Variants in FAF1 observed in about 807,000 individuals in gnomAD.
FAF1 encodes the protein Fas associated factor 1.
A neutral mutation model predicts 92.5 loss-of-function variants in FAF1; 25 were observed. The observed-to-expected ratio is 0.27, with a 90% CI of 0.20 to 0.38. The LOEUF is 0.38. Ranked by LOEUF, FAF1 falls within the 10% of genes least tolerant of loss-of-function variation. The probability of loss-of-function intolerance (pLI) is 1.00; values close to 1 mark genes in which losing one functional copy is unlikely to be tolerated. For missense variants in FAF1, 636 were observed against 793.3 expected, an observed-to-expected ratio of 0.80 and a Z score of 2.38; for synonymous variants, 234 against 273.2, an observed-to-expected ratio of 0.86 and a Z score of 1.42.
At chr1:50,694,225 T>C (rs1407442814) in intron 7 of FAF1, among the ~76,000 whole-genome samples, 1 of 152,162 alleles carries the variant, frequency 6.6e-6, no homozygotes, top group Non-Finnish European at 1.5e-5. Flanking sequence ...GCTTTTCTTA[T>C]GATGATAATT....
At chr1:50,620,642 A>T (rs1463182699) in intron 8 of FAF1, among the ~76,000 whole-genome samples, 1 of 152,192 alleles carries the variant, frequency 6.6e-6, no homozygotes, top group African/African-American at 2.4e-5. Flanking sequence ...TTCAACTGCG[A>T]GAGTTCTTGT....
chr1:50,697,357 T>C (rs1293796537), intron 7 of FAF1, among the ~76,000 whole-genome samples: 1 of 152,230 alleles, frequency 6.6e-6, no homozygotes, highest in Non-Finnish European at 1.5e-5. Flanking sequence ...GGCTGTACTA[T>C]AGACATTAAA....
At chr1:50,936,152 G>A (rs1156493816) in intron 1 of FAF1, among the ~76,000 whole-genome samples, 2 of 152,152 alleles carry the variant, frequency 1.3e-5, no homozygotes, top group Admixed American at 6.5e-5. Context: ...CAGTGAGAAC[G>A]TACTATGTGC....
chr1:50,929,689 C>A (rs1306309722), intron 1 of FAF1, among the ~76,000 whole-genome samples: 1 of 152,128 alleles, frequency 6.6e-6, no homozygotes, highest in East Asian at 1.9e-4. Flanking sequence ...CTATCATGTG[C>A]CAGGCATAGT....
chr1:50,568,603 G>A (rs1650278170), intron 12 of FAF1, among the ~76,000 whole-genome samples: 1 of 152,244 alleles, frequency 6.6e-6, no homozygotes, highest in South Asian at 2.1e-4. Flanking sequence ...TTAATTTCCA[G>A]AATAAATCTT....
intron 9 of FAF1, among the ~76,000 whole-genome samples, chr1:50,594,477 T>C (rs1002629599): frequency 7.9e-5 from 12 of 152,144 alleles, no homozygotes; most frequent in Non-Finnish European, 1.6e-4. Context: ...CATGCTCTCT[T>C]TCCCATTTCC....
intron 2 of FAF1, among the ~76,000 whole-genome samples, chr1:50,819,956 C>T (rs1446148452): frequency 6.7e-6 from 1 of 150,190 alleles, no homozygotes; most frequent in Non-Finnish European, 1.5e-5. Context: ...TCATGGAATG[C>T]TAGAAAAATG....
chr1:50,580,220 A>G (rs1356272454), intron 12 of FAF1, among the ~76,000 whole-genome samples: 2 of 151,872 alleles, frequency 1.3e-5, no homozygotes, highest in Non-Finnish European at 2.9e-5. Context: ...GTGAATTTTG[A>G]ATAAATTTTT....
chr1:50,513,121 A>G lies in FAF1; in HGVS notation c.1495-21320T>C, dbSNP rs183145430. Among the ~76,000 whole-genome samples the G allele has an allele frequency of 3.3e-5, 5 of 152,312 alleles. No homozygotes were observed. In the East Asian group the frequency reaches 9.7e-4, roughly 29 times the overall value. On this transcript the variant is annotated intron_variant, in intron 15 of 18. Coordinates refer to ENST00000396153, the MANE Select transcript of FAF1 (RefSeq NM_007051.3). ...GTGGGACTCTGCTCTGAAATGTACT[A>G]AGCGTTTCCAGGCTGGAAGGAAAAA...
rs151099649 is a variant in FAF1 at position 50,656,631 on chromosome 1, C to T, written c.658-1103G>A. Among the ~76,000 whole-genome samples the T allele has an allele frequency of 7.4e-3, 1,122 of 152,224 alleles. 13 individuals carry two copies. The highest frequency in any genetic ancestry group is 0.026 in the African/African-American group (1,070 of 41,540). ...GGCATGGTGGCTCACGCCTGTAATC[C>T]TAGCACTTTGGGAGGCCGAGGTGGG... On this transcript the variant is annotated intron_variant, in intron 7 of 18. Coordinates refer to ENST00000396153, the MANE Select transcript of FAF1 (RefSeq NM_007051.3).
At chr1:50,455,734 A>G (rs948096425) in intron 18 of FAF1, among the ~76,000 whole-genome samples, 11 of 152,220 alleles carry the variant, frequency 7.2e-5, no homozygotes, top group Non-Finnish European at 1.5e-4. Context: ...ACAAGTGGCT[A>G]GAAGAATTAA....
intron 15 of FAF1, among the ~76,000 whole-genome samples, chr1:50,527,625 A>G (rs1164669869): frequency 6.6e-6 from 1 of 152,202 alleles, no homozygotes; most frequent in Non-Finnish European, 1.5e-5. Flanking sequence ...CAACATTCAT[A>G]CAGCACATAT....
chr1:50,756,785 T>A (rs1660092324), intron 4 of FAF1, among the ~76,000 whole-genome samples: 1 of 152,152 alleles, frequency 6.6e-6, no homozygotes, highest in Non-Finnish European at 1.5e-5. Flanking sequence ...AGAGAGAGCT[T>A]GTGCAGGGAA....
At chr1:50,902,669 C>T (rs1056267904) in intron 1 of FAF1, among the ~76,000 whole-genome samples, 2 of 152,070 alleles carry the variant, frequency 1.3e-5, no homozygotes, top group African/African-American at 2.4e-5. Context: ...ATGCAAGTCT[C>T]GTCTATAAAA....
chr1:50,837,231 C>T (rs559160361), intron 2 of FAF1, among the ~76,000 whole-genome samples: 14 of 152,216 alleles, frequency 9.2e-5, no homozygotes, highest in African/African-American at 2.9e-4. Context: ...GCTGGGATTA[C>T]AGGCGTGAGC....
chr1:50,703,910 C>T (rs1034395064), intron 7 of FAF1, among the ~76,000 whole-genome samples: 4 of 152,130 alleles, frequency 2.6e-5, no homozygotes, highest in Non-Finnish European at 5.9e-5. Flanking sequence ...ATTAACGCTG[C>T]TTAAACATTT....
At chr1:50,775,975 C>G (rs902703878) in intron 4 of FAF1, among the ~76,000 whole-genome samples, 5 of 152,164 alleles carry the variant, frequency 3.3e-5, no homozygotes, top group African/African-American at 1.2e-4. Flanking sequence ...TAACTATAAT[C>G]CAGAACAAAT....
chr1:50,623,034 T>C (rs1426846777), intron 8 of FAF1, among the ~76,000 whole-genome samples: 2 of 152,158 alleles, frequency 1.3e-5, no homozygotes, highest in African/African-American at 4.8e-5. Flanking sequence ...TAATATCATC[T>C]TCTCCTACAC....
At chr1:50,953,752 A>C (rs930152106) in intron 1 of FAF1, among the ~76,000 whole-genome samples, 1 of 152,126 alleles carries the variant, frequency 6.6e-6, no homozygotes, top group East Asian at 1.9e-4. Context: ...ACAAAAAAAA[A>C]GAAAGAAAAG....
Sources: allele counts gnomAD v4.1 joint callset (sites outside exome capture counted in the v4.1 genomes callset), GRCh38; gene constraint gnomAD v4.1.1; transcripts MANE v1.5; gene names NCBI Gene and HGNC (gene_info 2026-07-23, HGNC 2026-07-21).